The following CREM variants were observed in gnomAD, a reference collection of about 807,000 sequenced individuals.
CREM encodes the protein cAMP-responsive element modulator.
In CREM, 13 loss-of-function variants were observed where a neutral mutation model predicts 37.3. That is an observed-to-expected ratio of 0.35 (90% CI 0.23 to 0.55). CREM has a LOEUF of 0.55. Ranked by LOEUF, CREM falls within the 20% of genes least tolerant of loss-of-function variation. The pLI, the probability that CREM is intolerant of heterozygous loss-of-function variation, is 0.88. For synonymous variants in CREM, 124 were observed against 120.2 expected, an observed-to-expected ratio of 1.03 and a Z score of -0.21; for missense variants, 296 against 362.3, an observed-to-expected ratio of 0.82 and a Z score of 1.49.
intron 7 of CREM, among the ~76,000 whole-genome samples, chr10:35,207,572 G>A (rs1473575518): frequency 3.3e-5 from 5 of 151,958 alleles, no homozygotes; most frequent in Non-Finnish European, 7.4e-5. Context: ...TCAAGAGATT[G>A]AGACCATCCT....
At chr10:35,192,382 T>G (rs2094954046) in intron 6 of CREM, among the ~76,000 whole-genome samples, 1 of 152,192 alleles carries the variant, frequency 6.6e-6, no homozygotes, top group South Asian at 2.1e-4. Context: ...AGAGTCTCAC[T>G]CTCTTGGCCA....
At chr10:35,163,974 C>CA (rs758523194) in intron 3 of CREM, among the ~76,000 whole-genome samples, 2,841 of 110,458 alleles carry the variant, frequency 0.026, 39 homozygotes, top group African/African-American at 0.045. Flanking sequence ...GAACCTATCT[C>CA]AAAAAAAAAA....
Position 35,207,118 on chromosome 10 carries a change from C to A in CREM, c.755+67C>A, listed in dbSNP as rs568679299. The A allele has an allele frequency of 4.6e-6, 7 of 1,525,262 alleles. No individual in the cohort carries two copies. The East Asian group carries it at 1.4e-4, about 31-fold the overall frequency. 94.5% of individuals were successfully genotyped at this position (1,525,262 alleles called of 1,614,324 possible). A position where few individuals can be genotyped will look rare whatever the true frequency, so the allele number is the denominator to read the frequency against. On this transcript the variant is annotated intron_variant, in intron 7 of 7. Transcript: ENST00000685392. ...TTTAAAAATTACAGTTTTCACCGGG[C>A]GCAGTGGCTCACGCCTGTAATCCCA... is the stretch of plus-strand genomic sequence containing the variant.
chr10:35,141,481 CAGAG>C lies in CREM; in HGVS notation c.44+3605_44+3608del, dbSNP rs370910419. 3.9e-4 allele frequency among the ~76,000 whole-genome samples: 60 copies of C among 152,208 alleles called. No individual in the cohort carries two copies. The East Asian group carries it at 6.9e-3, about 18-fold the overall frequency. ...CTGGTGATGATGCTGTGTGGAATGA[CAGAG>C]AGGGAGTTTCAGGGGTTTCTGGCTT... On this transcript the variant is annotated intron_variant, in intron 2 of 7. Transcript: ENST00000685392.
intron 3 of CREM, among the ~76,000 whole-genome samples, chr10:35,160,140 C>CAGT (rs1294575774): frequency 6.6e-6 from 1 of 152,136 alleles, no homozygotes; most frequent in African/African-American, 2.4e-5. Context: ...CTGTATGGTA[C>CAGT]AGCCTGTTAT....
intron 6 of CREM, among the ~76,000 whole-genome samples, chr10:35,201,783 G>C (rs1456402973): frequency 6.6e-6 from 1 of 152,124 alleles, no homozygotes; most frequent in African/African-American, 2.4e-5. Flanking sequence ...TATCAAGAAA[G>C]GCCACTTTGA....
intron 2 of CREM, among the ~76,000 whole-genome samples, chr10:35,145,684 C>T (rs1174099505): frequency 1.3e-5 from 2 of 148,632 alleles, no homozygotes; most frequent in African/African-American, 5.0e-5. Context: ...GAGGCTAAGG[C>T]CAGAGAACTG....
chr10:35,131,123 T>C (rs2089295993), intron 1 of CREM, among the ~76,000 whole-genome samples: 1 of 152,212 alleles, frequency 6.6e-6, no homozygotes, highest in African/African-American at 2.4e-5. Context: ...ACTCATCCTC[T>C]TGTCAGACTT....
chr10:35,207,139 T>C, intron 7 of CREM, 88 bp downstream of exon 7: 2 of 1,401,864 alleles, frequency 1.4e-6, no homozygotes, highest in Non-Finnish European at 1.9e-6. Context: ...ACGCCTGTAA[T>C]CCCAGCACTT....
chr10:35,130,858 CATT>C (rs1289165417), intron 1 of CREM, among the ~76,000 whole-genome samples: 2 of 152,152 alleles, frequency 1.3e-5, no homozygotes, highest in African/African-American at 4.8e-5. Flanking sequence ...AATGTATCCC[CATT>C]ATTAAGTGAA....
At chr10:35,182,989 A>G (rs1042774595) in intron 5 of CREM, among the ~76,000 whole-genome samples, 1 of 152,226 alleles carries the variant, frequency 6.6e-6, no homozygotes, top group Non-Finnish European at 1.5e-5. Context: ...TGTAAAAGCA[A>G]CCGAGGAAAT....
chr10:35,136,427 G>A (rs1009353568), intron 1 of CREM, among the ~76,000 whole-genome samples: 4 of 152,162 alleles, frequency 2.6e-5, no homozygotes, highest in South Asian at 4.1e-4. Flanking sequence ...ATGTCCCTAC[G>A]TAAAATGCTA....
At chr10:35,204,075 A>G (rs2095457707) in intron 6 of CREM, among the ~76,000 whole-genome samples, 1 of 152,206 alleles carries the variant, frequency 6.6e-6, no homozygotes, top group Non-Finnish European at 1.5e-5. Context: ...AAGAGAAAAA[A>G]GAGGAGAGCT....
chr10:35,151,501 G>A lies in CREM; in HGVS notation c.168+3010G>A, dbSNP rs191827376. On this transcript the variant is annotated intron_variant, in intron 3 of 7. Coordinates refer to ENST00000685392, the MANE Select transcript of CREM (RefSeq NM_183011.2). ...AATGATTATTATGCCTCAGCCTCCC[G>A]AGTAGCTGGGATTACAGGCATGTGC... 2.5e-3 allele frequency among the ~76,000 whole-genome samples: 384 copies of A among 152,208 alleles called. 3 individuals carry two copies. The highest frequency in any genetic ancestry group is 9.0e-3 in the African/African-American group (372 of 41,524).
At chr10:35,207,094 T>C (rs1267156153) in intron 7 of CREM, 43 bp downstream of exon 7, 2 of 1,584,312 alleles carry the variant, frequency 1.3e-6, no homozygotes, top group Admixed American at 3.6e-5. Context: ...AGGACACTTT[T>C]TAAAAATTAC....
intron 2 of CREM, among the ~76,000 whole-genome samples, chr10:35,146,164 A>G (rs1012365802): frequency 7.9e-5 from 12 of 152,252 alleles, no homozygotes; most frequent in African/African-American, 2.7e-4. Context: ...CTTTCGGCAT[A>G]TAATTTTTGA....
chr10:35,172,555 A>C (rs1384570752), intron 3 of CREM, among the ~76,000 whole-genome samples: 2 of 136,310 alleles, frequency 1.5e-5, no homozygotes, highest in Admixed American at 8.2e-5. Context: ...TGTATTCTTC[A>C]CTGCCATCCA....
At position 35,187,114 on chromosome 10, in the gene CREM, A is replaced by T. The variant is rs1401784822; in HGVS notation, c.410-1086A>T. ...ATAATATATATGATATATATTATATAAATATATAAATATATTAATATATTA... is the reference window on the plus strand; with the variant it reads ...ATAATATATATGATATATATTATATTAATATATAAATATATTAATATATTA... On this transcript the variant is annotated intron_variant, in intron 5 of 7. Coordinates refer to ENST00000685392, the MANE Select transcript of CREM (RefSeq NM_183011.2). 6.4e-5 allele frequency among the ~76,000 whole-genome samples: 5 copies of T among 78,170 alleles called. No homozygotes were observed. In the Admixed American group the frequency reaches 6.8e-4, roughly 11 times the overall value. The allele number at this position is 78,170 out of a possible 152,430, so 51.3% of individuals were successfully genotyped here.
At chr10:35,166,640 G>A (rs1013860528) in intron 3 of CREM, among the ~76,000 whole-genome samples, 4 of 152,032 alleles carry the variant, frequency 2.6e-5, no homozygotes, top group African/African-American at 9.7e-5. Context: ...GAGGCTGGAG[G>A]ATTGCTTGAG....
Sources: gnomAD v4.1 joint callset for allele counts (sites outside exome capture counted in the v4.1 genomes callset) on GRCh38, gnomAD v4.1.1 for gene constraint, MANE v1.5 for transcripts, NCBI Gene and HGNC (gene_info 2026-07-23, HGNC 2026-07-21) for gene names.